Variants in CNBD1 observed in about 807,000 individuals in gnomAD.
CNBD1 encodes cyclic nucleotide-binding domain-containing protein 1.
In CNBD1, 71 loss-of-function variants were observed where a neutral mutation model predicts 54.4. That is an observed-to-expected ratio of 1.30 (90% CI 1.08 to 1.59). The LOEUF (loss-of-function observed/expected upper bound fraction) is 1.59. CNBD1 is among the 40% of genes most tolerant of loss of function. The pLI is 0.00. For missense variants in CNBD1, 659 were observed against 518.0 expected (o/e 1.27, Z -2.64); for synonymous variants, 182 against 170.7 (o/e 1.07, Z -0.51).
chr8:87,040,487 G>A (rs563030817), intron 4 of CNBD1, among the ~76,000 whole-genome samples: 4 of 148,032 alleles, frequency 2.7e-5, no homozygotes, highest in East Asian at 2.0e-4. Context: ...GCAGTGGTGC[G>A]ATCTTGGCTC....
chr8:87,361,368 A>G (rs1810521102), intron 10 of CNBD1, among the ~76,000 whole-genome samples: 1 of 151,854 alleles, frequency 6.6e-6, no homozygotes, highest in African/African-American at 2.4e-5. Flanking sequence ...CTTAGAAATC[A>G]GTAGAAGGAG....
intron 4 of CNBD1, among the ~76,000 whole-genome samples, chr8:87,007,322 C>G (rs1351444909): frequency 1.3e-5 from 2 of 152,020 alleles, no homozygotes; most frequent in African/African-American, 4.8e-5. Context: ...ATTTGATCCT[C>G]AACAAACTAT....
chr8:87,302,540 G>A (rs1400372279), intron 8 of CNBD1, among the ~76,000 whole-genome samples: 2 of 151,870 alleles, frequency 1.3e-5, no homozygotes, highest in African/African-American at 4.8e-5. Flanking sequence ...TCCTGAATGG[G>A]CAAAAACTGG....
At chr8:87,199,559 C>T (rs935757865) in intron 4 of CNBD1, among the ~76,000 whole-genome samples, 2 of 152,014 alleles carry the variant, frequency 1.3e-5, no homozygotes, top group African/African-American at 4.8e-5. Flanking sequence ...TAAAATCTGC[C>T]CTCTTAGCCA....
At chr8:87,078,206 C>A (rs913425968) in intron 4 of CNBD1, among the ~76,000 whole-genome samples, 1 of 152,150 alleles carries the variant, frequency 6.6e-6, no homozygotes, top group Non-Finnish European at 1.5e-5. Context: ...CTAAATGAGC[C>A]TTGGCCAGTC....
At chr8:87,379,203 T>C (rs1203172427) in intron 10 of CNBD1, among the ~76,000 whole-genome samples, 1 of 151,632 alleles carries the variant, frequency 6.6e-6, no homozygotes, top group African/African-American at 2.4e-5. Flanking sequence ...TGAATAGGAG[T>C]GGTGAGAGAG....
At chr8:87,351,928 TG>T (rs2130928254) in intron 9 of CNBD1, 134 bp downstream of exon 9, 1 of 938,776 alleles carries the variant, frequency 1.1e-6, no homozygotes, top group Non-Finnish European at 1.4e-6. Flanking sequence ...TTGAAATTTT[TG>T]TGTTTGTTTT....
chr8:87,385,264 C>T (rs935833280), downstream of CNBD1, among the ~76,000 whole-genome samples: 15 of 152,034 alleles, frequency 9.9e-5, no homozygotes, highest in African/African-American at 1.4e-4. Flanking sequence ...GAGTGTTGGA[C>T]GGTGGGTGCA....
intron 4 of CNBD1, among the ~76,000 whole-genome samples, chr8:87,189,470 G>GT (rs1354007289): frequency 6.6e-6 from 1 of 151,984 alleles, no homozygotes; most frequent in Non-Finnish European, 1.5e-5. Context: ...TGCTACTATA[G>GT]TATTCTGGTG....
chr8:87,220,914 G>T (rs1814319931), intron 5 of CNBD1, among the ~76,000 whole-genome samples: 1 of 152,032 alleles, frequency 6.6e-6, no homozygotes, highest in South Asian at 2.1e-4. Flanking sequence ...AGTGTTACAT[G>T]AGAATGCCAC....
At chr8:87,332,095 C>T (rs750556353) in intron 8 of CNBD1, among the ~76,000 whole-genome samples, 1 of 152,092 alleles carries the variant, frequency 6.6e-6, no homozygotes, top group Admixed American at 6.5e-5. Context: ...TACTTGTAAT[C>T]CCAGCACTTT....
chr8:87,087,701 C>T (rs1005883487), intron 4 of CNBD1, among the ~76,000 whole-genome samples: 2 of 151,972 alleles, frequency 1.3e-5, no homozygotes, highest in South Asian at 2.1e-4. Flanking sequence ...CCCCTGACCT[C>T]GTGATCCGCC....
chr8:87,256,003 ATATATATATATATTTTTTTTTT>A (rs1389909353), intron 6 of CNBD1, among the ~76,000 whole-genome samples: 2 of 17,942 alleles, frequency 1.1e-4, no homozygotes, highest in Non-Finnish European at 1.9e-4. Context: ...ATATATATAT[ATATATATATATATTTTTTTTTT>A]TTTTTTTTTT....
At chr8:87,249,450 GCTT>G (rs2130837616) in intron 6 of CNBD1, among the ~76,000 whole-genome samples, 1 of 152,230 alleles carries the variant, frequency 6.6e-6, no homozygotes, top group South Asian at 2.1e-4. Context: ...GGTAGAGGAT[GCTT>G]CTTCATCATG....
chr8:87,118,402 T>G (rs1171289710), intron 4 of CNBD1, among the ~76,000 whole-genome samples: 1 of 151,440 alleles, frequency 6.6e-6, no homozygotes, highest in African/African-American at 2.4e-5. Context: ...ATGGTTCATG[T>G]ATGTAAATAG....
At chr8:87,134,440 T>C (rs1812184105) in intron 4 of CNBD1, among the ~76,000 whole-genome samples, 1 of 152,142 alleles carries the variant, frequency 6.6e-6, no homozygotes, top group East Asian at 1.9e-4. Context: ...AATATAACTT[T>C]TATTGTTAAG....
intron 6 of CNBD1, among the ~76,000 whole-genome samples, chr8:87,281,620 T>A (rs1176651381): frequency 7.2e-6 from 1 of 138,846 alleles, no homozygotes; most frequent in Non-Finnish European, 1.5e-5. Context: ...TTTACCAGTA[T>A]ATTAAAACTT....
intron 4 of CNBD1, among the ~76,000 whole-genome samples, chr8:87,128,029 G>A (rs906805248): frequency 1.3e-5 from 2 of 152,148 alleles, no homozygotes; most frequent in Non-Finnish European, 2.9e-5. Flanking sequence ...AGAAGAGAAG[G>A]AGTGTCTGAA....
chr8:86,911,397 A>T (rs573496162), intron 3 of CNBD1, among the ~76,000 whole-genome samples: 1 of 152,368 alleles, frequency 6.6e-6, no homozygotes, highest in East Asian at 1.9e-4. Flanking sequence ...AATTGAGGAA[A>T]CAAATAGTAA....
Sources: gnomAD v4.1 joint callset for allele counts (sites outside exome capture counted in the v4.1 genomes callset) on GRCh38, gnomAD v4.1.1 for gene constraint, MANE v1.5 for transcripts, NCBI Gene and HGNC (gene_info 2026-07-23, HGNC 2026-07-21) for gene names.